The following TMEM51 variants were observed in gnomAD, a reference collection of about 807,000 sequenced individuals.
TMEM51 encodes transmembrane protein 51, also known as chromosome 1 open reading frame 72.
TMEM51 carries 8 observed loss-of-function variants against 13.6 expected under a neutral mutation model. The observed-to-expected ratio is 0.59, with a 90% CI of 0.35 to 1.07. The LOEUF (loss-of-function observed/expected upper bound fraction) is 1.07. TMEM51 is among the 50% of genes least tolerant of loss of function. The pLI is 0.02. For missense variants in TMEM51, 279 were observed against 330.7 expected, an observed-to-expected ratio of 0.84 and a Z score of 1.21; for synonymous variants, 147 against 144.4, an observed-to-expected ratio of 1.02 and a Z score of -0.13.
At chr1:15,189,213 C>CTT (rs59346950) in intron 1 of TMEM51, among the ~76,000 whole-genome samples, 1,525 of 92,810 alleles carry the variant, frequency 0.016, 87 homozygotes, top group African/African-American at 0.045. Context: ...CTAATTTTTC[C>CTT]TTTTTTTTTT....
chr1:15,154,429 C>T (rs1460746569), intron 1 of TMEM51, among the ~76,000 whole-genome samples: 2 of 152,174 alleles, frequency 1.3e-5, no homozygotes, highest in African/African-American at 4.8e-5. Context: ...GTGTGTGTGT[C>T]GCTCTACAAG....
chr1:15,194,763 G>A (rs551972052), intron 1 of TMEM51, among the ~76,000 whole-genome samples: 17 of 151,866 alleles, frequency 1.1e-4, no homozygotes, highest in South Asian at 6.2e-4. Flanking sequence ...TCTCATTTCC[G>A]TGGATGATAT....
At chr1:15,203,831 T>C (rs534183774) in intron 1 of TMEM51, among the ~76,000 whole-genome samples, 2 of 152,324 alleles carry the variant, frequency 1.3e-5, no homozygotes, top group African/African-American at 4.8e-5. Flanking sequence ...ATTTACTTTG[T>C]ACAGATGACA....
Position 15,207,426 on chromosome 1 carries a change from T to C in TMEM51, c.-266-3064T>C, listed in dbSNP as rs1161874304. 6.6e-6 allele frequency among the ~76,000 whole-genome samples: 1 copy of C among 152,238 alleles called. No individual in the cohort carries two copies. The highest frequency in any genetic ancestry group is 1.5e-5 in the Non-Finnish European group (1 of 68,036). ...GGCCCAGCCATCAATGCTTGGGCCC[T>C]TTACCCCGTTTCAGCCGGGGCAGCG... On this transcript the variant is annotated intron_variant, in intron 1 of 3. Coordinates refer to ENST00000376008, the MANE Select transcript of TMEM51 (RefSeq NM_001136218.2). This position sits in a 1 kb window ranked among gnomAD's most constrained non-coding sequence, Gnocchi z 4.6.
chr1:15,216,439 GC>G (rs1448846549), intron 3 of TMEM51, among the ~76,000 whole-genome samples: 1 of 152,116 alleles, frequency 6.6e-6, no homozygotes, highest in Non-Finnish European at 1.5e-5. Context: ...TGAAATGCAA[GC>G]AAAAAGATGT....
chr1:15,167,655 A>G (rs1643071737), intron 1 of TMEM51, among the ~76,000 whole-genome samples: 3 of 152,242 alleles, frequency 2.0e-5, no homozygotes, highest in Non-Finnish European at 4.4e-5. Flanking sequence ...CACCAGGGCT[A>G]TGCAGGGACC....
chr1:15,167,326 C>CAAAAAAA (rs555274126), intron 1 of TMEM51, among the ~76,000 whole-genome samples: 6 of 69,446 alleles, frequency 8.6e-5, no homozygotes, highest in African/African-American at 1.5e-4. Flanking sequence ...GACTCCATCT[C>CAAAAAAA]AAAAAAAAAA....
At chr1:15,159,444 G>A (rs6429719) in intron 1 of TMEM51, among the ~76,000 whole-genome samples, 147,023 of 152,358 alleles carry the variant, frequency 0.96, 70,989 homozygotes, top group East Asian at 1. Flanking sequence ...AAAGCCTGTC[G>A]CTCTCGTGCC....
chr1:15,204,387 C>T (rs1416925929), intron 1 of TMEM51, among the ~76,000 whole-genome samples: 1 of 152,220 alleles, frequency 6.6e-6, no homozygotes, highest in African/African-American at 2.4e-5. Flanking sequence ...AACCTCGTCT[C>T]TACTAAAAAT....
intron 1 of TMEM51, among the ~76,000 whole-genome samples, chr1:15,196,378 CTG>C (rs1256544594): frequency 1.1e-4 from 11 of 103,206 alleles, no homozygotes; most frequent in South Asian, 4.2e-4. Flanking sequence ...CAAATCTGGG[CTG>C]TGTGTGTGTG....
At chr1:15,164,404 C>G (rs1232977174) in intron 1 of TMEM51, 2 of 456,090 alleles carry the variant, frequency 4.4e-6, no homozygotes, top group Non-Finnish European at 8.8e-6. Flanking sequence ...CCCTGAATTT[C>G]GGTTTGCCTG....
chr1:15,168,205 A>G (rs1311535468), intron 1 of TMEM51, among the ~76,000 whole-genome samples: 1 of 152,228 alleles, frequency 6.6e-6, no homozygotes, highest in South Asian at 2.1e-4. Flanking sequence ...AATAACTCCT[A>G]TGAGGGTCCT....
intron 1 of TMEM51, among the ~76,000 whole-genome samples, chr1:15,203,607 G>C (rs1285349834): frequency 1.3e-5 from 2 of 152,026 alleles, no homozygotes; most frequent in East Asian, 3.9e-4. Context: ...CTTTTAGCTT[G>C]TATTACCTGC....
At chr1:15,167,116 A>G (rs867462515) in intron 1 of TMEM51, among the ~76,000 whole-genome samples, 3 of 152,254 alleles carry the variant, frequency 2.0e-5, no homozygotes, top group South Asian at 2.1e-4. Flanking sequence ...TCACGAGGTC[A>G]GGAGATCGAG....
At chr1:15,209,619 A>G (rs1179838330) in intron 1 of TMEM51, among the ~76,000 whole-genome samples, 1 of 152,210 alleles carries the variant, frequency 6.6e-6, no homozygotes, top group African/African-American at 2.4e-5. Context: ...ACTGCTGCGT[A>G]CGTAATACTC....
At chr1:15,200,992 C>T (rs575055164) in intron 1 of TMEM51, among the ~76,000 whole-genome samples, 5 of 152,272 alleles carry the variant, frequency 3.3e-5, no homozygotes, top group African/African-American at 1.2e-4. Flanking sequence ...CCACAGGTGC[C>T]TCACACCTGT....
chr1:15,168,602 G>A (rs1354407406), intron 1 of TMEM51: 25 of 1,304,444 alleles, frequency 1.9e-5, no homozygotes, highest in Non-Finnish European at 2.4e-5. Context: ...AGCCAAGAGA[G>A]ACGAAGGCCA....
intron 1 of TMEM51, among the ~76,000 whole-genome samples, chr1:15,181,324 T>C (rs940767317): frequency 2.0e-5 from 3 of 152,208 alleles, no homozygotes; most frequent in Admixed American, 2.0e-4. Context: ...GTAACTGAGC[T>C]GGGTGGGGCT....
intron 1 of TMEM51, among the ~76,000 whole-genome samples, chr1:15,210,056 G>T (rs187938528): frequency 1.4e-3 from 218 of 152,204 alleles, no homozygotes; most frequent in African/African-American, 4.9e-3. Flanking sequence ...GGAAGGGAGG[G>T]AGACGGGGAG....
Sources: gnomAD v4.1 joint callset for allele counts (sites outside exome capture counted in the v4.1 genomes callset) on GRCh38, gnomAD v4.1.1 for gene constraint, Gnocchi (gnomAD v3.1) non-coding constraint, MANE v1.5 for transcripts, NCBI Gene and HGNC (gene_info 2026-07-23, HGNC 2026-07-21) for gene names.